Variants in MANBA observed in about 807,000 individuals in gnomAD.
MANBA encodes mannosidase beta, also known as beta-mannosidase.
Under a neutral mutation model 111.1 loss-of-function variants are expected in MANBA, and 83 were observed. That is an observed-to-expected ratio of 0.75 (90% CI 0.63 to 0.90). The LOEUF is 0.90. MANBA is among the 40% of genes least tolerant of loss of function. The pLI, the probability that MANBA is intolerant of heterozygous loss-of-function variation, is 0.00. For missense variants in MANBA, 1,036 were observed against 1,069.0 expected, an observed-to-expected ratio of 0.97 and a Z score of 0.43; for synonymous variants, 370 against 378.7, an observed-to-expected ratio of 0.98 and a Z score of 0.27.
At chr4:102,744,436 G>A (rs576593987) in intron 1 of MANBA, among the ~76,000 whole-genome samples, 4 of 152,288 alleles carry the variant, frequency 2.6e-5, no homozygotes, top group Admixed American at 2.0e-4. Context: ...AAGTCTCTTC[G>A]AACAAGATTA....
chr4:102,669,168 A>G, intron 9 of MANBA, 119 bp from the exon 10 acceptor site: 1 of 793,176 alleles, frequency 1.3e-6, no homozygotes, highest in Non-Finnish European at 2.2e-6. Flanking sequence ...AGTTAGCCTG[A>G]TGAGTGTGAT....
In MANBA at chr4:102,631,650, G is replaced by C; in HGVS notation, c.*407C>G. Reference sequence around the variant, plus strand: ...AATAATAACAAAGCACTTTATTTGAGTATTCCGTATTCCCCAAAGCTAGCT... The same window carrying C: ...AATAATAACAAAGCACTTTATTTGACTATTCCGTATTCCCCAAAGCTAGCT... On this transcript the variant is annotated 3_prime_UTR_variant, in exon 17 of 17. Transcript: ENST00000647097. 6.9e-6 allele frequency: 3 copies of C among 433,564 alleles called. No individual in the cohort carries two copies. Among genetic ancestry groups the C allele is most frequent in the Non-Finnish European group, 8.1e-6 (2 of 246,838 alleles). 26.9% of individuals were successfully genotyped at this position (433,564 alleles called of 1,614,324 possible). A position where few individuals can be genotyped will look rare whatever the true frequency, so the allele number is the denominator to read the frequency against.
chr4:102,656,749 A>AT lies in MANBA; in HGVS notation c.1704+932dup, dbSNP rs371528272. 2.3e-3 allele frequency among the ~76,000 whole-genome samples: 348 copies of AT among 152,336 alleles called. 2 individuals are homozygous for AT. The highest frequency in any genetic ancestry group is 8.1e-3 in the African/African-American group (337 of 41,570). On this transcript the variant is annotated intron_variant, in intron 12 of 16. Coordinates refer to ENST00000647097, the MANE Select transcript of MANBA (RefSeq NM_005908.4). ...CCATGCAACAGAATGTTATTCAGCA[A>AT]TAAAAAAAAGGAACATACTAATACA...
intron 12 of MANBA, among the ~76,000 whole-genome samples, chr4:102,657,224 G>GGC (rs1730597456): frequency 9.0e-5 from 11 of 122,692 alleles, no homozygotes; most frequent in Non-Finnish European, 1.9e-4. Context: ...GAGTGGGGTG[G>GGC]GGGGGGGGTG....
intron 5 of MANBA, among the ~76,000 whole-genome samples, chr4:102,713,672 C>T (rs565131236): frequency 1.1e-4 from 16 of 152,188 alleles, no homozygotes; most frequent in East Asian, 1.9e-4. Context: ...GAGGCTGAGG[C>T]GGGCAGATCA....
rs1722633975 is a variant in MANBA, at chr4:102,722,764, G to A, written c.549+107C>T. The stretch of plus-strand genomic sequence containing the variant: ...CAAACCCCACTAAGGGATCAGGAAA[G>A]AGATTCCTAACTTCTGAAATGCCAT... On this transcript the variant is annotated intron_variant, in intron 4 of 16. Coordinates refer to ENST00000647097, the MANE Select transcript of MANBA (RefSeq NM_005908.4). 13 of 1,154,838 alleles carry A rather than the reference G, an allele frequency of 1.1e-5. No individual in the cohort carries two copies. The South Asian group carries it at 1.6e-4, about 14-fold the overall frequency. 71.5% of individuals were successfully genotyped at this position (1,154,838 alleles called of 1,614,324 possible).
At position 102,643,859 on chromosome 4, in the gene MANBA, T is replaced by C. The variant is rs144561987; in HGVS notation, c.1870-4002A>G. Among the ~76,000 whole-genome samples, 8 of 152,326 alleles carry C rather than the reference T, an allele frequency of 5.3e-5. No homozygotes were observed. In the East Asian group the frequency reaches 1.3e-3, roughly 26 times the overall value. ...GGGGATTATCTTTTCATTTTCTCGATAGCGTCTTTTGCCATACAAAAGGTA... is the reference window on the plus strand; with the variant it reads ...GGGGATTATCTTTTCATTTTCTCGACAGCGTCTTTTGCCATACAAAAGGTA... On this transcript the variant is annotated intron_variant, in intron 13 of 16. Coordinates refer to ENST00000647097, the MANE Select transcript of MANBA (RefSeq NM_005908.4).
At chr4:102,740,243 A>G (rs572665123) in intron 1 of MANBA, among the ~76,000 whole-genome samples, 3 of 152,308 alleles carry the variant, frequency 2.0e-5, no homozygotes, top group Admixed American at 6.5e-5. Context: ...AACCAAGGAC[A>G]TGAAAGACCT....
At chr4:102,718,840 C>T (rs373882639) in intron 4 of MANBA, among the ~76,000 whole-genome samples, 2 of 152,214 alleles carry the variant, frequency 1.3e-5, no homozygotes, top group African/African-American at 4.8e-5. Flanking sequence ...ACCGTGATGA[C>T]GACCCCAAGC....
chr4:102,657,964 A>G, intron 11 of MANBA, 64 bp from the exon 12 acceptor site: 2 of 1,226,710 alleles, frequency 1.6e-6, no homozygotes, highest in Non-Finnish European at 2.4e-6. Context: ...TGTATCATTT[A>G]CTTCTTTAAA....
intron 1 of MANBA, chr4:102,751,289 C>A (rs929866757): frequency 1.9e-5 from 6 of 322,336 alleles, no homozygotes; most frequent in African/African-American, 1.3e-4. Flanking sequence ...GCTTAGACTG[C>A]AGCTTCTCGC....
intron 1 of MANBA, chr4:102,728,068 C>T (rs1202357899): frequency 3.8e-6 from 2 of 524,952 alleles, no homozygotes. Flanking sequence ...AGATAGAAGG[C>T]ACGCCCATGG....
intron 5 of MANBA, among the ~76,000 whole-genome samples, chr4:102,705,830 C>G (rs1733272570): frequency 2.0e-5 from 3 of 152,146 alleles, no homozygotes. Flanking sequence ...GACCCTGCCC[C>G]ATCCACCACT....
chr4:102,696,468 T>C (rs1732713036), intron 5 of MANBA, among the ~76,000 whole-genome samples: 1 of 152,068 alleles, frequency 6.6e-6, no homozygotes, highest in South Asian at 2.1e-4. Flanking sequence ...TATATCCCAA[T>C]CCAAAAAGGC....
At position 102,738,592 on chromosome 4, in the gene MANBA, A is replaced by G. The variant is rs1248602965; in HGVS notation, c.178-11909T>C. Among the ~76,000 whole-genome samples, 3 of 152,210 alleles carry G rather than the reference A, an allele frequency of 2.0e-5. No individual in the cohort carries two copies. In the East Asian group the frequency reaches 5.8e-4, roughly 29 times the overall value. On this transcript the variant is annotated intron_variant, in intron 1 of 16. Transcript: ENST00000647097. ...AGGGAATACCCCATGGGACAAAACA[A>G]TCTAAACAGTAACCCTTGAGTTCCA...
In MANBA at chr4:102,679,097, T is replaced by C. The variant is rs527276252; in HGVS notation, c.961-5027A>G. ...TCTTTGTTCTGAAAGTGCTCCCCCA[T>C]GTAAAAGTATTGAGAAAACAAGCTC... On this transcript the variant is annotated intron_variant, in intron 7 of 16. Transcript: ENST00000647097. Among the ~76,000 whole-genome samples, 7 of 152,312 alleles carry C rather than the reference T, an allele frequency of 4.6e-5. No individual in the cohort carries two copies. The South Asian group carries it at 1.4e-3, about 32-fold the overall frequency.
intron 1 of MANBA, among the ~76,000 whole-genome samples, chr4:102,746,658 G>C (rs6533027): frequency 0.026 from 3,965 of 152,236 alleles, 143 homozygotes; most frequent in African/African-American, 0.082. Flanking sequence ...AGGACTATGG[G>C]TGTTCTCCAT....
Position 102,650,580 on chromosome 4 carries a change from G to T in MANBA, c.1826C>A (p.Thr609Lys). 1 of 1,613,490 alleles carries T rather than the reference G, an allele frequency of 6.2e-7. No individual in the cohort carries two copies. Among genetic ancestry groups the T allele is most frequent in the Non-Finnish European group, 8.5e-7 (1 of 1,179,460 alleles). The change falls in exon 13 of 17, where the codon ACA becomes AAA. Residue 609 changes from threonine to lysine, a missense_variant. Coordinates refer to ENST00000647097, the MANE Select transcript of MANBA (RefSeq NM_005908.4). ...ATCTTTAAATGTGCGTAATGGATCTGTGCTTTGGGGGAGTTTGAAATGAAG... is the reference window on the plus strand; with the variant it reads ...ATCTTTAAATGTGCGTAATGGATCTTTGCTTTGGGGGAGTTTGAAATGAAG... ...AGLHFKLPQSTDPLRTFKDTI... is the reference protein window; with the variant it reads ...AGLHFKLPQSKDPLRTFKDTI...
chr4:102,691,116 A>G (rs1732456591), intron 5 of MANBA, among the ~76,000 whole-genome samples: 1 of 152,068 alleles, frequency 6.6e-6, no homozygotes, highest in Non-Finnish European at 1.5e-5. Context: ...TTCCTTTTTA[A>G]TTAAGTAAAA....
Sources: allele counts gnomAD v4.1 joint callset (sites outside exome capture counted in the v4.1 genomes callset), GRCh38; gene constraint gnomAD v4.1.1; transcripts MANE v1.5; gene names NCBI Gene and HGNC (gene_info 2026-07-23, HGNC 2026-07-21).